Variants in GRM8 observed in about 807,000 individuals in gnomAD.
GRM8 encodes the protein glutamate metabotropic receptor 8.
GRM8 carries 47 observed loss-of-function variants against 87.2 expected under a neutral mutation model. That is an observed-to-expected ratio of 0.54 (90% confidence interval 0.43 to 0.69). GRM8 has a LOEUF of 0.69. Among genes scored for constraint, GRM8 ranks in the 30% least tolerant of loss-of-function variants. The pLI, the probability that GRM8 is intolerant of heterozygous loss-of-function variation, is 0.00. For synonymous variants in GRM8, 396 were observed against 404.5 expected (o/e 0.98, Z 0.25); for missense variants, 1,019 against 1,139.2 (o/e 0.89, Z 1.52).
At chr7:126,583,551 T>A (rs1403844124) in intron 8 of GRM8, among the ~76,000 whole-genome samples, 4 of 152,176 alleles carry the variant, frequency 2.6e-5, no homozygotes, top group Admixed American at 2.0e-4. Context: ...GGTCAAAATA[T>A]AAATATTAAC....
intron 2 of GRM8, among the ~76,000 whole-genome samples, chr7:127,179,008 C>A (rs1794280658): frequency 6.6e-6 from 1 of 152,138 alleles, no homozygotes; most frequent in African/African-American, 2.4e-5. Context: ...CAGTACCTCA[C>A]ATATCAATAC....
intron 8 of GRM8, among the ~76,000 whole-genome samples, chr7:126,586,029 T>C (rs1041952859): frequency 1.3e-5 from 2 of 151,818 alleles, no homozygotes; most frequent in Admixed American, 6.6e-5. Flanking sequence ...CATTCTCATA[T>C]ACCAATAACA....
intron 6 of GRM8, among the ~76,000 whole-genome samples, chr7:126,845,427 T>TA (rs1196241465): frequency 6.6e-6 from 1 of 152,196 alleles, no homozygotes; most frequent in Non-Finnish European, 1.5e-5. Context: ...TAGGCCAACT[T>TA]AGTCTTATCC....
At chr7:126,814,930 G>C (rs145688295) in intron 6 of GRM8, among the ~76,000 whole-genome samples, 1 of 151,920 alleles carries the variant, frequency 6.6e-6, no homozygotes, top group Non-Finnish European at 1.5e-5. Flanking sequence ...ATGGACAAAT[G>C]ACTTTAAACA....
intron 8 of GRM8, among the ~76,000 whole-genome samples, chr7:126,588,724 G>C (rs1302205143): frequency 6.6e-6 from 1 of 152,112 alleles, no homozygotes; most frequent in South Asian, 2.1e-4. Context: ...GAACATACCA[G>C]GAAAGCCAAA....
chr7:126,467,812 C>A (rs1240124475), intron 9 of GRM8, among the ~76,000 whole-genome samples: 1 of 151,932 alleles, frequency 6.6e-6, no homozygotes, highest in African/African-American at 2.4e-5. Context: ...AATATTCAGG[C>A]AAAGGCAGGG....
At chr7:126,831,122 T>A (rs1032761629) in intron 6 of GRM8, among the ~76,000 whole-genome samples, 7 of 152,184 alleles carry the variant, frequency 4.6e-5, no homozygotes, top group African/African-American at 1.7e-4. Flanking sequence ...TACTGGGGGG[T>A]GCCTCCCAGT....
chr7:127,232,237 G>GACAGAC (rs1281027249), intron 2 of GRM8, among the ~76,000 whole-genome samples: 1 of 140,374 alleles, frequency 7.1e-6, no homozygotes, highest in African/African-American at 2.7e-5. Flanking sequence ...GAGAGAGAGA[G>GACAGAC]AGACAGACAG....
chr7:126,858,028 G>A (rs1271742613), intron 6 of GRM8, among the ~76,000 whole-genome samples: 3 of 152,112 alleles, frequency 2.0e-5, no homozygotes, highest in Admixed American at 6.6e-5. Context: ...CACTCTCCAC[G>A]CACTAAAATC....
intron 3 of GRM8, among the ~76,000 whole-genome samples, chr7:126,928,675 A>AG (rs1427086744): frequency 2.6e-5 from 4 of 151,308 alleles, no homozygotes; most frequent in Admixed American, 6.6e-5. Flanking sequence ...CTGCCTCAAA[A>AG]AAAAAAAAAA....
intron 2 of GRM8, among the ~76,000 whole-genome samples, chr7:127,124,723 A>T (rs1036039568): frequency 6.6e-6 from 1 of 152,154 alleles, no homozygotes; most frequent in Non-Finnish European, 1.5e-5. Context: ...CATGATCAGA[A>T]CTGATTGCAC....
At chr7:126,975,580 G>A (rs1280563366) in intron 3 of GRM8, among the ~76,000 whole-genome samples, 2 of 152,142 alleles carry the variant, frequency 1.3e-5, no homozygotes, top group Non-Finnish European at 2.9e-5. Flanking sequence ...TTGGATGAAG[G>A]TGGGGAAGGC....
chr7:127,242,895 C>A lies in GRM8; in HGVS notation c.310G>T (p.Asp104Tyr). 6.2e-7 allele frequency: 1 copy of A among 1,614,010 alleles called. No individual in the cohort carries two copies. Among genetic ancestry groups the A allele is most frequent in the Non-Finnish European group, 8.5e-7 (1 of 1,179,932 alleles). ...GCATAGGTGTCCCTAGAGCACGTGT[C>A]GAGGATGCGGACACCCAGAGTGATG... ...SNITLGVRIL[D>Y]TCSRDTYALE... is the part of the protein sequence containing the mutation. Residue 104 changes from aspartate (D) to tyrosine (Y), a missense_variant, in exon 2 of 11, where the codon GAC becomes TAC. By Grantham distance (160) the Asp-to-Tyr change is radical (BLOSUM62 -3). Transcript: ENST00000339582.
intron 2 of GRM8, among the ~76,000 whole-genome samples, chr7:127,115,837 C>T (rs1826667443): frequency 6.6e-6 from 1 of 152,192 alleles, no homozygotes; most frequent in Admixed American, 6.5e-5. Flanking sequence ...GGACTTTAGG[C>T]TGGGCCCAGT....
intron 2 of GRM8, among the ~76,000 whole-genome samples, chr7:127,181,828 T>C (rs1243768967): frequency 6.6e-6 from 1 of 152,076 alleles, no homozygotes. Context: ...TCTCTCACGT[T>C]ATACAAAAAT....
chr7:127,248,510 G>C (rs1232935502), intron 1 of GRM8, among the ~76,000 whole-genome samples: 2 of 152,180 alleles, frequency 1.3e-5, no homozygotes, highest in Non-Finnish European at 2.9e-5. Context: ...AGGAGACACT[G>C]ATTCTAGTCT....
chr7:126,703,996 A>C (rs1364504545), intron 7 of GRM8, among the ~76,000 whole-genome samples: 2 of 152,116 alleles, frequency 1.3e-5, no homozygotes, highest in African/African-American at 4.8e-5. Context: ...GAACTGGACG[A>C]CTTCTGTCTA....
chr7:127,231,251 A>G (rs914623769), intron 2 of GRM8, among the ~76,000 whole-genome samples: 1 of 152,110 alleles, frequency 6.6e-6, no homozygotes, highest in Non-Finnish European at 1.5e-5. Context: ...GATGGGGGAA[A>G]AAAAAAAGAT....
At chr7:127,009,263 C>A (rs1814636753) in intron 3 of GRM8, among the ~76,000 whole-genome samples, 1 of 152,070 alleles carries the variant, frequency 6.6e-6, no homozygotes, top group Non-Finnish European at 1.5e-5. Flanking sequence ...CAGTCCAAAG[C>A]AATAGCTAAA....
Sources: allele counts gnomAD v4.1 joint callset (sites outside exome capture counted in the v4.1 genomes callset), GRCh38; gene constraint gnomAD v4.1.1; transcripts MANE v1.5; gene names NCBI Gene and HGNC (gene_info 2026-07-23, HGNC 2026-07-21).